Variants in TGFBR2 observed in about 807,000 individuals in gnomAD.
TGFBR2 encodes the protein TGF-beta receptor type-2.
A neutral mutation model predicts 49.0 loss-of-function variants in TGFBR2; 18 were observed. That is an observed-to-expected ratio of 0.37 (90% CI 0.25 to 0.54). TGFBR2 has a LOEUF of 0.54. TGFBR2 is among the 20% of genes least tolerant of loss of function. TGFBR2 has a pLI of 0.85. For missense variants in TGFBR2, 525 were observed against 722.6 expected (o/e 0.73, Z 3.13); for synonymous variants, 282 against 275.9 (o/e 1.02, Z -0.22).
intron 3 of TGFBR2, 146 bp downstream of exon 3, chr3:30,650,606 C>T (rs1698865113): frequency 5.8e-6 from 5 of 855,202 alleles, no homozygotes; most frequent in Non-Finnish European, 9.6e-6. Context: ...GAAAGAGGGG[C>T]TTGGGGAGTA....
chr3:30,688,322 T>A (rs1222550476), intron 5 of TGFBR2, 62 bp from the exon 6 acceptor site: 9 of 1,612,504 alleles, frequency 5.6e-6, no homozygotes, highest in African/African-American at 1.3e-5. Context: ...CTCACCATGC[T>A]CATTTCCTTT....
At chr3:30,608,386 A>G (rs1697972283) in intron 1 of TGFBR2, among the ~76,000 whole-genome samples, 1 of 152,122 alleles carries the variant, frequency 6.6e-6, no homozygotes, top group African/African-American at 2.4e-5. Context: ...GTAATTTTAC[A>G]TCATCTTCAT....
At chr3:30,679,323 G>C (rs2125443950) in intron 5 of TGFBR2, among the ~76,000 whole-genome samples, 1 of 152,288 alleles carries the variant, frequency 6.6e-6, no homozygotes, top group African/African-American at 2.4e-5. Flanking sequence ...ATCCTTCTGA[G>C]TTACTTCTTT....
At chr3:30,653,860 T>C (rs1253287593) in intron 3 of TGFBR2, among the ~76,000 whole-genome samples, 1 of 152,196 alleles carries the variant, frequency 6.6e-6, no homozygotes, top group African/African-American at 2.4e-5. Context: ...AAGCATGACC[T>C]CATTTAATCT....
intron 1 of TGFBR2, among the ~76,000 whole-genome samples, chr3:30,626,079 T>C (rs966188226): frequency 2.6e-5 from 4 of 152,224 alleles, no homozygotes; most frequent in African/African-American, 9.6e-5. Flanking sequence ...GACTTTGGCA[T>C]CATTATTGTT....
intron 1 of TGFBR2, among the ~76,000 whole-genome samples, chr3:30,624,680 TA>T (rs1489367815): frequency 1.5e-4 from 23 of 152,218 alleles, no homozygotes; most frequent in Non-Finnish European, 2.6e-4. Context: ...CATAGAAAGC[TA>T]AGCTATACTT....
At chr3:30,675,060 T>C (rs923450026) in intron 5 of TGFBR2, among the ~76,000 whole-genome samples, 3 of 152,166 alleles carry the variant, frequency 2.0e-5, no homozygotes, top group Non-Finnish European at 4.4e-5. Flanking sequence ...GTGAGGCTAT[T>C]GTTCTAGGAA....
chr3:30,671,914 T>C lies in TGFBR2; in HGVS notation c.731T>C (p.Ile244Thr). Residue 244 changes from isoleucine (I) to threonine (T), a missense_variant, in exon 4 of 7, where the codon ATT (isoleucine) becomes ACT (threonine). Ile to Thr is a moderately conservative substitution (Grantham distance 89). Around this residue, in one of 3 missense-constraint regions of TGFBR2, gnomAD observed 376 missense variants for 478.2 expected, o/e 0.79. Transcript: ENST00000295754. ...AACCACAACACAGAGCTGCTGCCCATTGAGCTGGACACCCTGGTGGGGAAA... is the reference window on the plus strand; with the variant it reads ...AACCACAACACAGAGCTGCTGCCCACTGAGCTGGACACCCTGGTGGGGAAA... ...NINHNTELLP[I>T]ELDTLVGKGR... 1 of 1,614,162 alleles carries C rather than the reference T, an allele frequency of 6.2e-7. No homozygotes were observed. Among genetic ancestry groups the C allele is most frequent in the Non-Finnish European group, 8.5e-7 (1 of 1,180,022 alleles).
At chr3:30,645,624 T>A (rs1698717164) in intron 2 of TGFBR2, among the ~76,000 whole-genome samples, 1 of 151,916 alleles carries the variant, frequency 6.6e-6, no homozygotes, top group African/African-American at 2.4e-5. Context: ...TAGCTGGGAT[T>A]ACAGGTGCCC....
At chr3:30,633,437 G>A (rs1248622373) in intron 1 of TGFBR2, among the ~76,000 whole-genome samples, 3 of 152,198 alleles carry the variant, frequency 2.0e-5, no homozygotes, top group African/African-American at 7.2e-5. Context: ...TTACATGCAT[G>A]TTAAAAATAT....
chr3:30,682,191 G>C (rs375633076), intron 5 of TGFBR2, among the ~76,000 whole-genome samples: 32 of 152,318 alleles, frequency 2.1e-4, no homozygotes, highest in African/African-American at 7.5e-4. Context: ...TGGCCCTGCA[G>C]CATCACACTG....
rs748480163 is a variant in TGFBR2 at position 30,672,400 on chromosome 3, C to T, written c.1217C>T (p.Pro406Leu). 8 of 1,614,200 alleles carry T rather than the reference C, an allele frequency of 5.0e-6. No homozygotes were observed. Among genetic ancestry groups the T allele is most frequent in the Non-Finnish European group, 2.5e-6 (3 of 1,180,020 alleles). Residue 406 changes from proline (P) to leucine (L), a missense_variant, in exon 4 of 7, where the codon CCT (proline) becomes CTT (leucine). By Grantham distance (98) the Pro-to-Leu change is moderately conservative. Coordinates refer to ENST00000295754, the MANE Select transcript of TGFBR2 (RefSeq NM_003242.6). This position sits in a 1 kb window ranked among gnomAD's most constrained non-coding sequence, Gnocchi z 4.5. Reference sequence around the variant, plus strand: ...TTTGGGCTTTCCCTGCGTCTGGACCCTACTCTGTCTGTGGATGACCTGGCT... The same window carrying T: ...TTTGGGCTTTCCCTGCGTCTGGACCTTACTCTGTCTGTGGATGACCTGGCT... ...CDFGLSLRLDPTLSVDDLANS... is the reference protein window; with the variant it reads ...CDFGLSLRLDLTLSVDDLANS...
At chr3:30,678,126 A>G (rs1433615795) in intron 5 of TGFBR2, among the ~76,000 whole-genome samples, 3 of 152,218 alleles carry the variant, frequency 2.0e-5, no homozygotes, top group East Asian at 1.9e-4. Context: ...CTCCAGAGTC[A>G]TCTTCTCTGT....
intron 5 of TGFBR2, 21 bp from the exon 6 acceptor site, chr3:30,688,363 G>A: frequency 1.9e-6 from 3 of 1,614,090 alleles, no homozygotes; most frequent in Non-Finnish European, 2.5e-6. Context: ...GTGACCCTGT[G>A]TTTGCTGGCT....
intron 1 of TGFBR2, among the ~76,000 whole-genome samples, chr3:30,636,883 T>C (rs1401453518): frequency 6.6e-6 from 1 of 151,776 alleles, no homozygotes; most frequent in Non-Finnish European, 1.5e-5. Flanking sequence ...GCTAACACGG[T>C]GAAACCCCGT....
intron 3 of TGFBR2, among the ~76,000 whole-genome samples, chr3:30,656,808 T>G (rs1438459236): frequency 6.6e-6 from 1 of 152,226 alleles, no homozygotes; most frequent in African/African-American, 2.4e-5. Context: ...GTAGTTTGTT[T>G]GCAGGACCAG....
At chr3:30,664,402 C>A (rs532092688) in intron 3 of TGFBR2, among the ~76,000 whole-genome samples, 1 of 152,282 alleles carries the variant, frequency 6.6e-6, no homozygotes, top group African/African-American at 2.4e-5. Flanking sequence ...TTTCCAGTCA[C>A]TTCTGTCACT....
intron 1 of TGFBR2, among the ~76,000 whole-genome samples, chr3:30,625,027 G>A (rs1305908760): frequency 2.0e-5 from 3 of 151,866 alleles, no homozygotes; most frequent in South Asian, 2.1e-4. Context: ...TTTTCTGAAC[G>A]CCCTTTTTAA....
At chr3:30,621,278 C>CTTTTTTTTT (rs10688941) in intron 1 of TGFBR2, among the ~76,000 whole-genome samples, 2 of 116,312 alleles carry the variant, frequency 1.7e-5, no homozygotes, top group Non-Finnish European at 3.3e-5. Context: ...TTTTAATATT[C>CTTTTTTTTT]TTTTTTTTTT....
Sources: allele counts gnomAD v4.1 joint callset (sites outside exome capture counted in the v4.1 genomes callset), GRCh38; gene constraint gnomAD v4.1.1; regional missense constraint gnomAD v4.1.1; non-coding constraint Gnocchi (gnomAD v3.1); transcripts MANE v1.5; gene names NCBI Gene and HGNC (gene_info 2026-07-23, HGNC 2026-07-21).